Variants in SCYL3 observed in about 807,000 individuals in gnomAD.
SCYL3 encodes the protein protein-associating with the carboxyl-terminal domain of ezrin.
SCYL3 carries 35 observed loss-of-function variants against 73.8 expected under a neutral mutation model. The ratio of observed to expected loss-of-function variants is 0.47; its 90% confidence interval spans 0.36 to 0.63. The LOEUF is 0.63. Ranked by LOEUF, SCYL3 falls within the 20% of genes least tolerant of loss-of-function variation. The pLI is 0.00. For missense variants in SCYL3, 712 were observed against 798.9 expected (o/e 0.89, Z 1.31); for synonymous variants, 277 against 295.2 (o/e 0.94, Z 0.63).
intron 2 of SCYL3, among the ~76,000 whole-genome samples, chr1:169,881,766 T>C (rs1231271032): frequency 6.6e-6 from 1 of 152,186 alleles, no homozygotes; most frequent in African/African-American, 2.4e-5. Context: ...ACCAGTTTCA[T>C]GAACACAATT....
chr1:169,891,855 A>G (rs1364502441), intron 1 of SCYL3, among the ~76,000 whole-genome samples: 4 of 152,246 alleles, frequency 2.6e-5, no homozygotes, highest in Admixed American at 6.5e-5. Flanking sequence ...GCCTTGCAAT[A>G]GCTATTAACC....
At chr1:169,889,683 G>A (rs753957297) in intron 1 of SCYL3, among the ~76,000 whole-genome samples, 1 of 152,184 alleles carries the variant, frequency 6.6e-6, no homozygotes, top group Admixed American at 6.5e-5. Flanking sequence ...CACAGTTAGA[G>A]GGATCAAGGG....
chr1:169,854,155 G>GCTTAA, intron 12 of SCYL3, 115 bp downstream of exon 12: 1 of 752,056 alleles, frequency 1.3e-6, no homozygotes, highest in East Asian at 2.8e-5. Flanking sequence ...TTAATTTTGT[G>GCTTAA]CTTGACTTGA....
chr1:169,876,414 G>C (rs1457917214), intron 3 of SCYL3, among the ~76,000 whole-genome samples: 1 of 152,176 alleles, frequency 6.6e-6, no homozygotes, highest in Non-Finnish European at 1.5e-5. Flanking sequence ...ATGGGAGTCA[G>C]GGGATATACA....
chr1:169,875,952 G>C (rs779246919), intron 4 of SCYL3, 26 bp downstream of exon 4: 2 of 1,489,498 alleles, frequency 1.3e-6, no homozygotes, highest in African/African-American at 2.8e-5. Flanking sequence ...AACCAAGTAA[G>C]GAAGGGGGGC....
Position 169,851,924 on chromosome 1 carries a change from G to GTCA in SCYL3, c.*1786_*1788dup, listed in dbSNP as rs745494549. On this transcript the variant is annotated 3_prime_UTR_variant, in exon 13 of 13. Coordinates refer to ENST00000367771, the MANE Select transcript of SCYL3 (RefSeq NM_020423.7). ...ATGTGACTGTAGAAGAAGCAAAGAG[G>GTCA]TCATCTTTACAGGTATGGGCTGATT... is the stretch of plus-strand genomic sequence containing the variant. The GTCA allele has an allele frequency of 2.4e-5, 38 of 1,613,922 alleles. 1 individual carries two copies. The South Asian group carries it at 3.2e-4, about 14-fold the overall frequency.
rs905823166 is a variant in SCYL3, at chr1:169,851,662, C to T, written c.*2051G>A. ...AAGAACACAGTAGAGTGATTTAATCCAGATTATACTAAGAGTATTTATAGA... is the reference window on the plus strand; with the variant it reads ...AAGAACACAGTAGAGTGATTTAATCTAGATTATACTAAGAGTATTTATAGA... On this transcript the variant is annotated 3_prime_UTR_variant, in exon 13 of 13. Coordinates refer to ENST00000367771, the MANE Select transcript of SCYL3 (RefSeq NM_020423.7). 3 of 829,274 alleles carry T rather than the reference C, an allele frequency of 3.6e-6. No homozygotes were observed. The highest frequency in any genetic ancestry group is 1.7e-5 in the African/African-American group (1 of 57,926). 51.4% of individuals were successfully genotyped at this position (829,274 alleles called of 1,614,324 possible). A position where few individuals can be genotyped will look rare whatever the true frequency, so the allele number is the denominator to read the frequency against.
chr1:169,878,656 G>A lies in SCYL3; in HGVS notation c.329C>T (p.Ala110Val), dbSNP rs372705341. The A allele has an allele frequency of 1.6e-5, 26 of 1,612,760 alleles. No homozygotes were observed. The highest frequency in any genetic ancestry group is 2.1e-5 in the Non-Finnish European group (25 of 1,179,554). The change falls in exon 3 of 13, where the codon GCT becomes GTT. Residue 110 changes from alanine to valine, a missense_variant. Around this residue, in one of 2 missense-constraint regions of SCYL3, gnomAD observed 342 missense variants for 448.1 expected, o/e 0.76. Transcript: ENST00000367771. ...VCAGIYDILL[A>V]LIFLHDRGHL... is the part of the protein sequence containing the mutation. ...TACTCTGTCATGAAGGAAGATAAGA[G>A]CCAGCAATATGTCATAGATCCCAGC... is the stretch of plus-strand genomic sequence containing the variant.
intron 7 of SCYL3, 97 bp downstream of exon 7, chr1:169,868,831 G>C: frequency 1.4e-6 from 1 of 723,308 alleles, no homozygotes; most frequent in Non-Finnish European, 2.4e-6. Context: ...TGCATCATTT[G>C]GTCCTCCAAA....
Position 169,855,032 on chromosome 1 carries a change from A to C in SCYL3, c.1313-68T>G, listed in dbSNP as rs1201378423. On this transcript the variant is annotated intron_variant, in intron 11 of 12. Coordinates refer to ENST00000367771, the MANE Select transcript of SCYL3 (RefSeq NM_020423.7). ...TAAGAACTACACTTATGGGAAGGATAGCATTAAGGAAGTGTAGTAGTATAG... is the reference window on the plus strand; with the variant it reads ...TAAGAACTACACTTATGGGAAGGATCGCATTAAGGAAGTGTAGTAGTATAG... 2.6e-6 allele frequency: 3 copies of C among 1,153,068 alleles called. No homozygotes were observed. The African/African-American group carries it at 4.6e-5, about 18-fold the overall frequency. The allele number at this position is 1,153,068 out of a possible 1,614,324, so 71.4% of individuals were successfully genotyped here.
rs536573787 is a variant in SCYL3 at position 169,852,594 on chromosome 1, T to C, written c.*1119A>G. 1.5e-5 allele frequency: 9 copies of C among 593,060 alleles called. No homozygotes were observed. Among genetic ancestry groups the C allele is most frequent in the Non-Finnish European group, 2.4e-5 (8 of 336,678 alleles). 36.7% of individuals were successfully genotyped at this position (593,060 alleles called of 1,614,324 possible). Reference sequence around the variant, plus strand: ...CAAACTAAGACACTGGTAGTAGCACTCTGAATTGCTATGATAAACCAAAAT... The same window carrying C: ...CAAACTAAGACACTGGTAGTAGCACCCTGAATTGCTATGATAAACCAAAAT... On this transcript the variant is annotated 3_prime_UTR_variant, in exon 13 of 13. Coordinates refer to ENST00000367771, the MANE Select transcript of SCYL3 (RefSeq NM_020423.7).
chr1:169,867,237 G>A (rs1190872106), intron 7 of SCYL3, among the ~76,000 whole-genome samples: 1 of 152,210 alleles, frequency 6.6e-6, no homozygotes, highest in African/African-American at 2.4e-5. Context: ...GGTTTAGTCA[G>A]AAAAATCCTC....
At position 169,850,150 on chromosome 1, in the gene SCYL3, C is replaced by G. The variant is rs1400672833; in HGVS notation, c.*3563G>C. ...TGAGTTTATCACCTTTGAGGATCCT[C>G]TGGGACTCTTACTTAAAATGAATTT... On this transcript the variant is annotated 3_prime_UTR_variant, in exon 13 of 13. Transcript: ENST00000367771. 1.5e-6 allele frequency: 1 copy of G among 650,558 alleles called. No individual in the cohort carries two copies. The highest frequency in any genetic ancestry group is 2.7e-6 in the Non-Finnish European group (1 of 369,884). The allele number at this position is 650,558 out of a possible 1,614,324, so 40.3% of individuals were successfully genotyped here.
chr1:169,852,472 AC>A lies in SCYL3; in HGVS notation c.*1240del, dbSNP rs1215503589. On this transcript the variant is annotated 3_prime_UTR_variant, in exon 13 of 13. Transcript: ENST00000367771. Reference sequence around the variant, plus strand: ...AGTCAAACTCTCATAAAAAGAAAATACATTTATGAACTTGTTTATAAGACAT... The same window carrying A: ...AGTCAAACTCTCATAAAAAGAAAATAATTTATGAACTTGTTTATAAGACAT... 6.2e-6 allele frequency: 2 copies of A among 321,186 alleles called. No homozygotes were observed. The highest frequency in any genetic ancestry group is 1.1e-5 in the Non-Finnish European group (2 of 175,474). The allele number at this position is 321,186 out of a possible 1,614,324, so 19.9% of individuals were successfully genotyped here.
intron 10 of SCYL3, among the ~76,000 whole-genome samples, chr1:169,861,099 A>G (rs1162915961): frequency 6.6e-6 from 1 of 152,244 alleles, no homozygotes; most frequent in Non-Finnish European, 1.5e-5. Flanking sequence ...CATACAGGGT[A>G]ACAATTACTG....
At chr1:169,875,848 G>A (rs1660759233) in intron 4 of SCYL3, 130 bp downstream of exon 4, 1 of 459,178 alleles carries the variant, frequency 2.2e-6, no homozygotes, top group East Asian at 3.5e-5. Context: ...ATAAATGAGG[G>A]CACTGACAAA....
rs1032431888 is a variant in SCYL3, at chr1:169,882,211, G to A, written c.166-3392C>T. ...GGCAGGCCCCCCACTTGGAGCAGCCGGCAGGCCCTGCCACCCGGGGCAATG... is the reference window on the plus strand; with the variant it reads ...GGCAGGCCCCCCACTTGGAGCAGCCAGCAGGCCCTGCCACCCGGGGCAATG... On this transcript the variant is annotated intron_variant, in intron 2 of 12. Coordinates refer to ENST00000367771, the MANE Select transcript of SCYL3 (RefSeq NM_020423.7). 7.9e-5 allele frequency among the ~76,000 whole-genome samples: 12 copies of A among 152,336 alleles called. No homozygotes were observed. The South Asian group carries it at 1.9e-3, about 24-fold the overall frequency.
At chr1:169,863,829 A>C (rs1397721435) in intron 9 of SCYL3, among the ~76,000 whole-genome samples, 1 of 152,226 alleles carries the variant, frequency 6.6e-6, no homozygotes, top group East Asian at 1.9e-4. Flanking sequence ...AAATTCTGAA[A>C]GCAGGATTCT....
chr1:169,864,614 T>TGCA, intron 8 of SCYL3, 106 bp from the exon 9 acceptor site: 1 of 1,156,046 alleles, frequency 8.7e-7, no homozygotes, highest in Non-Finnish European at 1.2e-6. Context: ...ATCAAAGTGA[T>TGCA]GCATTTGAAA....
Sources: allele counts gnomAD v4.1 joint callset (sites outside exome capture counted in the v4.1 genomes callset), GRCh38; gene constraint gnomAD v4.1.1; regional missense constraint gnomAD v4.1.1; transcripts MANE v1.5; gene names NCBI Gene and HGNC (gene_info 2026-07-23, HGNC 2026-07-21).